Variants in RELL1 observed in about 807,000 individuals in gnomAD.
The protein encoded by RELL1 is RELT like 1.
A neutral mutation model predicts 23.0 loss-of-function variants in RELL1; 10 were observed. That is an observed-to-expected ratio of 0.43 (90% CI 0.27 to 0.74). The LOEUF (loss-of-function observed/expected upper bound fraction) is 0.74, where lower values mean the gene tolerates loss of function less well. Ranked by LOEUF, RELL1 falls within the 30% of genes least tolerant of loss-of-function variation. RELL1 has a pLI of 0.19. For missense variants in RELL1, 315 were observed against 364.4 expected (o/e 0.86, Z 1.10); for synonymous variants, 146 against 146.8 (o/e 0.99, Z 0.04).
At chr4:37,605,862 G>A (rs1719197657), downstream of RELL1, among the ~76,000 whole-genome samples, 1 of 136,682 alleles carries the variant, frequency 7.3e-6, no homozygotes, top group African/African-American at 2.6e-5. Flanking sequence ...GAAAAGAAAA[G>A]AAAGAGAAAG....
In RELL1 at chr4:37,604,932, C is replaced by G. The variant is rs201867575; in HGVS notation, c.*4-13715G>C. Reference sequence around the variant, plus strand: ...ACACACACACACAGACACACACACACAGACACACACATACACACACAGAGA... The same window carrying G: ...ACACACACACACAGACACACACACAGAGACACACACATACACACACAGAGA... On this transcript the variant is annotated intron_variant, in intron 6 of 6. Coordinates refer to the RELL1 transcript ENST00000314117. 2.7e-3 allele frequency among the ~76,000 whole-genome samples: 80 copies of G among 29,708 alleles called. 7 individuals are homozygous for G. The highest frequency in any genetic ancestry group is 8.4e-3 in the South Asian group (5 of 592). The allele number at this position is 29,708 out of a possible 152,430, so 19.5% of individuals were successfully genotyped here.
intron 1 of RELL1, among the ~76,000 whole-genome samples, chr4:37,661,639 C>T (rs748993537): frequency 5.9e-5 from 9 of 152,088 alleles, no homozygotes; most frequent in African/African-American, 2.2e-4. Context: ...GAAGAGAAAC[C>T]AAAGCAAATT....
intron 6 of RELL1, among the ~76,000 whole-genome samples, chr4:37,595,580 G>GTAATAAAGGTATACATGGTC (rs1358813333): frequency 6.6e-6 from 1 of 152,212 alleles, no homozygotes; most frequent in Non-Finnish European, 1.5e-5. Context: ...GTGACATGGT[G>GTAATAAAGGTATACATGGTC]TAATAAAGGT....
At chr4:37,676,848 T>C (rs975885699) in intron 1 of RELL1, among the ~76,000 whole-genome samples, 3 of 152,166 alleles carry the variant, frequency 2.0e-5, no homozygotes, top group African/African-American at 7.2e-5. Flanking sequence ...CTTCCTTCCC[T>C]CATTTAAATA....
chr4:37,593,703 C>T (rs576364475), intron 6 of RELL1, among the ~76,000 whole-genome samples: 2 of 152,256 alleles, frequency 1.3e-5, no homozygotes, highest in South Asian at 2.1e-4. Flanking sequence ...CAATGAGTTT[C>T]GAGGCGGTCA....
intron 2 of RELL1, 74 bp from the exon 3 acceptor site, chr4:37,647,513 A>C: frequency 1.0e-6 from 1 of 992,660 alleles, no homozygotes; most frequent in Non-Finnish European, 1.6e-6. Context: ...CTTAGAACCC[A>C]AGACCTCACT....
At chr4:37,606,185 AAG>A (rs1719216062), downstream of RELL1, among the ~76,000 whole-genome samples, 2 of 93,674 alleles carry the variant, frequency 2.1e-5, no homozygotes, top group African/African-American at 3.1e-5. The surrounding 1 kb of genome is among the most constrained non-coding windows in gnomAD (Gnocchi z 4.1). Flanking sequence ...AGAAAGAAGA[AAG>A]AAAGAGAAAG....
At chr4:37,590,457 A>G (rs1246027903), downstream of RELL1, 1 of 1,610,430 alleles carries the variant, frequency 6.2e-7, no homozygotes, top group African/African-American at 1.3e-5. Context: ...CCCCAACTCA[A>G]CCCTTCCTGG....
downstream of RELL1, among the ~76,000 whole-genome samples, chr4:37,606,208 G>GA (rs1431283912): frequency 1.3e-5 from 2 of 150,098 alleles, no homozygotes; most frequent in Admixed American, 6.6e-5. This position sits in a 1 kb window ranked among gnomAD's most constrained non-coding sequence, Gnocchi z 4.1. Context: ...AAGAAAGAAA[G>GA]AAGGAAAGAA....
chr4:37,601,721 TCA>T (rs1457455721), intron 6 of RELL1, among the ~76,000 whole-genome samples: 1 of 152,254 alleles, frequency 6.6e-6, no homozygotes, highest in African/African-American at 2.4e-5. Flanking sequence ...TGCCAGAGCT[TCA>T]CTTTCCATGT....
At chr4:37,659,942 G>A (rs990740185) in intron 1 of RELL1, among the ~76,000 whole-genome samples, 6 of 152,256 alleles carry the variant, frequency 3.9e-5, no homozygotes, top group East Asian at 1.9e-4. Context: ...GAAAGGGTGC[G>A]CATTCTCAGA....
At chr4:37,649,928 C>A (rs902117131) in intron 1 of RELL1, among the ~76,000 whole-genome samples, 1 of 152,190 alleles carries the variant, frequency 6.6e-6, no homozygotes, top group Non-Finnish European at 1.5e-5. Flanking sequence ...TGATTAAGAG[C>A]ATGGCCTCAG....
intron 6 of RELL1, among the ~76,000 whole-genome samples, chr4:37,599,612 G>T (rs1349372069): frequency 1.3e-5 from 2 of 152,152 alleles, no homozygotes; most frequent in Non-Finnish European, 2.9e-5. Flanking sequence ...GCTACTACAG[G>T]ACTTTTGGTG....
At chr4:37,595,666 A>G (rs1009025266) in intron 6 of RELL1, among the ~76,000 whole-genome samples, 3 of 152,220 alleles carry the variant, frequency 2.0e-5, no homozygotes, top group Non-Finnish European at 4.4e-5. Context: ...TTTATTATTC[A>G]GGCCCTTCAC....
chr4:37,634,577 C>T (rs996775693), intron 5 of RELL1, among the ~76,000 whole-genome samples: 4 of 152,242 alleles, frequency 2.6e-5, no homozygotes, highest in Non-Finnish European at 5.9e-5. Context: ...TATCTCAATA[C>T]CTGCCCTGGA....
At chr4:37,645,973 C>T (rs1173497094) in intron 3 of RELL1, among the ~76,000 whole-genome samples, 1 of 152,126 alleles carries the variant, frequency 6.6e-6, no homozygotes, top group East Asian at 1.9e-4. Context: ...AGGGCAGGGC[C>T]TGAGGGCAGA....
chr4:37,591,091 G>A (rs1718588358), exon 7 of RELL1: 1 of 1,071,968 alleles, frequency 9.3e-7, no homozygotes. Context: ...GATTCTGCCA[G>A]CATGCACCAG....
downstream of RELL1, chr4:37,590,184 C>T: frequency 2.5e-6 from 4 of 1,614,130 alleles, no homozygotes; most frequent in Non-Finnish European, 3.4e-6. Flanking sequence ...AATTAAAAGG[C>T]AAATGGAGCA....
chr4:37,664,893 C>T (rs1721476623), intron 1 of RELL1, among the ~76,000 whole-genome samples: 1 of 152,108 alleles, frequency 6.6e-6, no homozygotes, highest in Non-Finnish European at 1.5e-5. Context: ...ACCACTCAGA[C>T]ATACCACGGT....
Sources: gnomAD v4.1 joint callset for allele counts (sites outside exome capture counted in the v4.1 genomes callset) on GRCh38, gnomAD v4.1.1 for gene constraint, Gnocchi (gnomAD v3.1) non-coding constraint, MANE v1.5 for transcripts, NCBI Gene and HGNC (gene_info 2026-07-23, HGNC 2026-07-21) for gene names.